Variants in MDGA2 observed in about 807,000 individuals in gnomAD.
MDGA2 encodes MAM domain containing glycosylphosphatidylinositol anchor 2.
Under a neutral mutation model 117.8 loss-of-function variants are expected in MDGA2, and 40 were observed. That is an observed-to-expected ratio of 0.34 (90% CI 0.26 to 0.44). The LOEUF is 0.44. Ranked by LOEUF, MDGA2 falls within the 20% of genes least tolerant of loss-of-function variation. MDGA2 has a pLI of 1.00. For synonymous variants in MDGA2, 452 were observed against 439.0 expected (o/e 1.03, Z -0.37); for missense variants, 1,123 against 1,250.6 (o/e 0.90, Z 1.54).
chr14:47,097,446 T>C (rs1880040686), intron 5 of MDGA2, among the ~76,000 whole-genome samples: 1 of 152,076 alleles, frequency 6.6e-6, no homozygotes, highest in Non-Finnish European at 1.5e-5. Flanking sequence ...TTTTTAATGC[T>C]GACAATCATC....
intron 2 of MDGA2, among the ~76,000 whole-genome samples, chr14:47,228,339 G>GT (rs1886577807): frequency 6.6e-6 from 1 of 152,128 alleles, no homozygotes; most frequent in South Asian, 2.1e-4. Context: ...CTGACTGATT[G>GT]TTTCACTTAC....
chr14:47,108,716 G>A (rs1217447069), intron 5 of MDGA2, among the ~76,000 whole-genome samples: 1 of 152,176 alleles, frequency 6.6e-6, no homozygotes, highest in Non-Finnish European at 1.5e-5. Context: ...AAACAGCCAT[G>A]TTGCTCACAC....
chr14:46,995,356 G>T (rs965325644), intron 8 of MDGA2, among the ~76,000 whole-genome samples: 13 of 152,060 alleles, frequency 8.5e-5, no homozygotes, highest in African/African-American at 3.1e-4. Flanking sequence ...AGATAGTACT[G>T]TTGCAGACCA....
At position 47,361,539 on chromosome 14, in the gene MDGA2, G is replaced by C. The variant is rs1160172880; in HGVS notation, c.281-59989C>G. Among the ~76,000 whole-genome samples, 4 of 152,054 alleles carry C rather than the reference G, an allele frequency of 2.6e-5. No individual in the cohort carries two copies. The South Asian group carries it at 8.3e-4, about 31-fold the overall frequency. On this transcript the variant is annotated intron_variant, in intron 1 of 16. Coordinates refer to ENST00000399232, the MANE Select transcript of MDGA2 (RefSeq NM_001113498.3). ...CTCTTAGTGCTGTCTCTGATTTCTG[G>C]TTGTTTTTTTTAAAGTATGTTGCTT... is the stretch of plus-strand genomic sequence containing the variant.
chr14:47,222,546 C>A (rs1270804605), intron 2 of MDGA2, among the ~76,000 whole-genome samples: 1 of 151,996 alleles, frequency 6.6e-6, no homozygotes, highest in African/African-American at 2.4e-5. Flanking sequence ...GATAGTGCAA[C>A]TTTTTAAGTT....
At chr14:47,457,013 T>C (rs564785098) in intron 1 of MDGA2, among the ~76,000 whole-genome samples, 2 of 152,252 alleles carry the variant, frequency 1.3e-5, no homozygotes, top group African/African-American at 4.8e-5. Flanking sequence ...TACTACAACA[T>C]CTGGCTGAAC....
intron 1 of MDGA2, among the ~76,000 whole-genome samples, chr14:47,601,808 C>T (rs1007755064): frequency 5.3e-5 from 8 of 152,078 alleles, no homozygotes; most frequent in African/African-American, 1.7e-4. Context: ...CATATGAAAG[C>T]GAGTCTGTGT....
intron 1 of MDGA2, among the ~76,000 whole-genome samples, chr14:47,373,586 T>C (rs955805231): frequency 3.9e-5 from 6 of 152,030 alleles, no homozygotes; most frequent in African/African-American, 9.7e-5. Context: ...TACGTTCATA[T>C]AGACCTCCAG....
Position 46,877,478 on chromosome 14 carries a change from A to G in MDGA2, c.2437+11T>C, listed in dbSNP as rs1222833677. The G allele has an allele frequency of 2.1e-6, 3 of 1,435,004 alleles. No homozygotes were observed. The highest frequency in any genetic ancestry group is 3.9e-5 in the Admixed American group (2 of 51,534). 88.9% of individuals were successfully genotyped at this position (1,435,004 alleles called of 1,614,324 possible). On this transcript the variant is annotated intron_variant, in intron 12 of 16. Coordinates refer to ENST00000399232, the MANE Select transcript of MDGA2 (RefSeq NM_001113498.3). ...AATATAGTGCCATTTTGTAAGTTAAAATATACTTACTCAAATGAGGATTTA... is the reference window on the plus strand; with the variant it reads ...AATATAGTGCCATTTTGTAAGTTAAGATATACTTACTCAAATGAGGATTTA...
intron 5 of MDGA2, among the ~76,000 whole-genome samples, chr14:47,129,987 T>A (rs1271754064): frequency 2.7e-5 from 4 of 150,912 alleles, no homozygotes; most frequent in Non-Finnish European, 4.5e-5. Flanking sequence ...AGATTCTGGA[T>A]ATTAGCCCTT....
intron 13 of MDGA2, 195 bp downstream of exon 13, chr14:46,873,850 C>T (rs1007026939): frequency 1.8e-6 from 1 of 569,658 alleles, no homozygotes; most frequent in African/African-American, 2.0e-5. Flanking sequence ...ATTCTCTCTA[C>T]TATATGTATC....
At chr14:47,042,898 T>C (rs1450314230) in intron 7 of MDGA2, among the ~76,000 whole-genome samples, 2 of 152,112 alleles carry the variant, frequency 1.3e-5, no homozygotes, top group Admixed American at 1.3e-4. Flanking sequence ...AATTATCATA[T>C]ACCTCACAGA....
chr14:47,352,772 G>A (rs887552558), intron 1 of MDGA2, among the ~76,000 whole-genome samples: 3 of 151,956 alleles, frequency 2.0e-5, no homozygotes, highest in East Asian at 1.9e-4. Context: ...TTTTTGTGGT[G>A]ATTATTTCGA....
intron 1 of MDGA2, among the ~76,000 whole-genome samples, chr14:47,466,734 A>T (rs1396151143): frequency 6.6e-6 from 1 of 152,146 alleles, no homozygotes; most frequent in African/African-American, 2.4e-5. Context: ...TGTTTAGAGC[A>T]GCGGGGTGGA....
At chr14:47,272,643 T>C (rs1349506846) in intron 2 of MDGA2, among the ~76,000 whole-genome samples, 1 of 152,160 alleles carries the variant, frequency 6.6e-6, no homozygotes, top group Non-Finnish European at 1.5e-5. Context: ...GAAAAGGGAA[T>C]ACAGATAATT....
chr14:47,230,365 G>A (rs1566692231), intron 2 of MDGA2, among the ~76,000 whole-genome samples: 1 of 151,936 alleles, frequency 6.6e-6, no homozygotes. Flanking sequence ...AAGTATTCTA[G>A]CAGGTAAATT....
At chr14:47,248,579 A>T (rs942409232) in intron 2 of MDGA2, among the ~76,000 whole-genome samples, 2 of 146,384 alleles carry the variant, frequency 1.4e-5, no homozygotes, top group East Asian at 3.9e-4. Flanking sequence ...TTATAGTAAT[A>T]AAATAAGTCA....
At chr14:46,880,620 T>C (rs948405918) in intron 11 of MDGA2, among the ~76,000 whole-genome samples, 3 of 151,174 alleles carry the variant, frequency 2.0e-5, no homozygotes, top group African/African-American at 7.3e-5. Flanking sequence ...CTGACCAACA[T>C]GGAAAAACCC....
intron 1 of MDGA2, among the ~76,000 whole-genome samples, chr14:47,644,023 A>T (rs951812912): frequency 1.1e-4 from 17 of 152,128 alleles, no homozygotes; most frequent in Admixed American, 3.3e-4. Flanking sequence ...TTCCACAGCC[A>T]ATTTGAAATT....
Sources: allele counts gnomAD v4.1 joint callset (sites outside exome capture counted in the v4.1 genomes callset), GRCh38; gene constraint gnomAD v4.1.1; transcripts MANE v1.5; gene names NCBI Gene and HGNC (gene_info 2026-07-23, HGNC 2026-07-21).